DLG2: variants seen among roughly 807,000 people sequenced by gnomAD.
DLG2 encodes the protein disks large homolog 2.
In DLG2, 45 loss-of-function variants were observed where a neutral mutation model predicts 132.5. The observed-to-expected ratio is 0.34, with a 90% CI of 0.27 to 0.44. DLG2 has a LOEUF of 0.44. DLG2 is among the 20% of genes least tolerant of loss of function. The pLI is 1.00. For synonymous variants in DLG2, 424 were observed against 419.6 expected (o/e 1.01, Z -0.13); for missense variants, 1,045 against 1,196.9 (o/e 0.87, Z 1.87).
At chr11:84,339,813 T>G (rs1224438019) in intron 7 of DLG2, among the ~76,000 whole-genome samples, 2 of 152,226 alleles carry the variant, frequency 1.3e-5, no homozygotes, top group East Asian at 3.8e-4. Flanking sequence ...TTCTTAGACC[T>G]GAAGATTACA....
intron 7 of DLG2, among the ~76,000 whole-genome samples, chr11:84,342,927 G>T (rs150375139): frequency 6.6e-6 from 1 of 152,288 alleles, no homozygotes; most frequent in African/African-American, 2.4e-5. Flanking sequence ...TGAATTTGAT[G>T]CTTCAGATCC....
chr11:84,378,870 C>T (rs1024872200), intron 7 of DLG2, among the ~76,000 whole-genome samples: 6 of 151,924 alleles, frequency 3.9e-5, no homozygotes, highest in East Asian at 1.9e-4. Context: ...CGTTTGAACC[C>T]GGGAGACGGA....
At chr11:84,591,965 C>T (rs2099544377) in intron 6 of DLG2, among the ~76,000 whole-genome samples, 1 of 152,102 alleles carries the variant, frequency 6.6e-6, no homozygotes, top group African/African-American at 2.4e-5. Flanking sequence ...GCCATCCTCT[C>T]ACCTCAGCCT....
intron 6 of DLG2, among the ~76,000 whole-genome samples, chr11:84,807,210 C>G (rs2076091651): frequency 6.6e-6 from 1 of 152,134 alleles, no homozygotes; most frequent in Non-Finnish European, 1.5e-5. Flanking sequence ...CTTTGGGAGA[C>G]CAAGGCAGGC....
At chr11:85,085,188 C>T (rs1242073522) in intron 6 of DLG2, among the ~76,000 whole-genome samples, 1 of 152,128 alleles carries the variant, frequency 6.6e-6, no homozygotes, top group Non-Finnish European at 1.5e-5. Flanking sequence ...CATTTGCAGT[C>T]TTACTCTGGT....
chr11:84,667,387 G>C (rs1426666214), intron 6 of DLG2, among the ~76,000 whole-genome samples: 1 of 149,796 alleles, frequency 6.7e-6, no homozygotes, highest in Non-Finnish European at 1.5e-5. Flanking sequence ...GGTAAAATAT[G>C]AATTCATGTA....
intron 22 of DLG2, among the ~76,000 whole-genome samples, chr11:83,475,245 A>G (rs1164336635): frequency 2.0e-5 from 3 of 151,704 alleles, no homozygotes; most frequent in Non-Finnish European, 4.4e-5. Context: ...GAAAAGCCCT[A>G]TGGGTAATGA....
chr11:84,992,616 G>A (rs1040059727), intron 6 of DLG2, among the ~76,000 whole-genome samples: 6 of 151,948 alleles, frequency 3.9e-5, no homozygotes, highest in African/African-American at 1.2e-4. Context: ...ATCTCACTGC[G>A]GTTTTGATTT....
At chr11:84,733,417 C>T (rs780327270) in intron 6 of DLG2, among the ~76,000 whole-genome samples, 21 of 152,230 alleles carry the variant, frequency 1.4e-4, no homozygotes, top group Non-Finnish European at 3.1e-4. Flanking sequence ...TTTACTGTGT[C>T]TGTTGGCTGC....
chr11:83,718,180 G>A (rs2087242129), intron 18 of DLG2, among the ~76,000 whole-genome samples: 1 of 152,118 alleles, frequency 6.6e-6, no homozygotes, highest in South Asian at 2.1e-4. Flanking sequence ...CTCTGCTGTG[G>A]GCAATTGGGA....
intron 4 of DLG2, among the ~76,000 whole-genome samples, chr11:85,277,813 G>A (rs2077984255): frequency 6.6e-6 from 1 of 152,132 alleles, no homozygotes; most frequent in African/African-American, 2.4e-5. Context: ...GTAATACATA[G>A]TCTCCAGGTA....
chr11:83,878,605 C>T (rs764268863), intron 15 of DLG2, among the ~76,000 whole-genome samples: 2 of 152,120 alleles, frequency 1.3e-5, no homozygotes, highest in South Asian at 2.1e-4. Flanking sequence ...TCAACTTCCA[C>T]GTCAGTGACT....
At chr11:83,772,438 A>T (rs1391267800) in intron 18 of DLG2, among the ~76,000 whole-genome samples, 7 of 147,872 alleles carry the variant, frequency 4.7e-5, no homozygotes, top group Admixed American at 1.3e-4. Context: ...AGAAAAGAAA[A>T]AAAAAGAGAA....
chr11:85,168,532 A>G (rs1007261657), intron 4 of DLG2, among the ~76,000 whole-genome samples: 3 of 152,150 alleles, frequency 2.0e-5, no homozygotes, highest in Non-Finnish European at 4.4e-5. Flanking sequence ...ACATTATGCC[A>G]AAGAATTCAG....
intron 3 of DLG2, among the ~76,000 whole-genome samples, chr11:85,495,582 T>C (rs529647868): frequency 3.0e-4 from 46 of 152,308 alleles, no homozygotes; most frequent in African/African-American, 1.1e-3. Context: ...CACAATGAGA[T>C]ACCATCTCAT....
intron 15 of DLG2, among the ~76,000 whole-genome samples, chr11:83,924,226 A>T (rs1248415748): frequency 3.3e-5 from 5 of 152,112 alleles, no homozygotes; most frequent in Non-Finnish European, 5.9e-5. Flanking sequence ...TTAGTTTTGG[A>T]ATTTGTATTT....
In DLG2 at chr11:83,513,519, G is replaced by T. The variant is rs137991993; in HGVS notation, c.2193+19189C>A. ...TGGTAGTTTCTTTTGCTGTGCAGAAGCTCTTTAGTTTAATTAGATCCCATT... is the reference window on the plus strand; with the variant it reads ...TGGTAGTTTCTTTTGCTGTGCAGAATCTCTTTAGTTTAATTAGATCCCATT... On this transcript the variant is annotated intron_variant, in intron 21 of 27. Transcript: ENST00000376104. Among the ~76,000 whole-genome samples, 1,284 of 152,232 alleles carry T rather than the reference G, an allele frequency of 8.4e-3. 48 individuals carry two copies. In the East Asian group the frequency reaches 0.11, roughly 13 times the overall value.
rs566615204 is a variant in DLG2, at chr11:85,340,185, C to A, written c.41-54820G>T. ...AATCATGCTACTATAAAGACACATG[C>A]ACACATATGTTTATTGTGGCACTAT... is the stretch of plus-strand genomic sequence containing the variant. On this transcript the variant is annotated intron_variant, in intron 3 of 27. Transcript: ENST00000376104. Among the ~76,000 whole-genome samples, 34 of 152,292 alleles carry A rather than the reference C, an allele frequency of 2.2e-4. 1 individual carries two copies. Among genetic ancestry groups the A allele is most frequent in the African/African-American group, 7.9e-4 (33 of 41,572 alleles).
intron 6 of DLG2, among the ~76,000 whole-genome samples, chr11:84,875,349 A>T (rs1407601656): frequency 1.3e-5 from 2 of 152,142 alleles, no homozygotes; most frequent in African/African-American, 4.8e-5. Flanking sequence ...AACTAATTTC[A>T]TGCAAAGAAA....
Sources: gnomAD v4.1 joint callset for allele counts (sites outside exome capture counted in the v4.1 genomes callset) on GRCh38, gnomAD v4.1.1 for gene constraint, MANE v1.5 for transcripts, NCBI Gene and HGNC (gene_info 2026-07-23, HGNC 2026-07-21) for gene names.